The following MGMT variants were observed in gnomAD, a reference collection of about 807,000 sequenced individuals.
MGMT encodes the protein methylated-DNA--protein-cysteine methyltransferase.
In MGMT, 14 loss-of-function variants were observed where a neutral mutation model predicts 15.9. The observed-to-expected ratio is 0.88, with a 90% CI of 0.58 to 1.37. MGMT has a LOEUF of 1.37. Among genes scored for constraint, MGMT ranks in the 40% most tolerant of loss-of-function variants. The pLI is 0.00. For synonymous variants in MGMT, 130 were observed against 118.2 expected, an observed-to-expected ratio of 1.10 and a Z score of -0.65; for missense variants, 282 against 268.1, an observed-to-expected ratio of 1.05 and a Z score of -0.36.
chr10:129,560,017 A>C (rs1224103395), intron 2 of MGMT, among the ~76,000 whole-genome samples: 1 of 152,204 alleles, frequency 6.6e-6, no homozygotes, highest in Non-Finnish European at 1.5e-5. Context: ...AACTCCACTA[A>C]TAAGAAACGG....
intron 1 of MGMT, among the ~76,000 whole-genome samples, chr10:129,512,905 A>AC (rs34676108): frequency 0.22 from 32,953 of 151,802 alleles, 4,184 homozygotes; most frequent in Non-Finnish European, 0.28. Flanking sequence ...CTAAGGACAT[A>AC]CCCCCCAAAA....
rs1342654051 is a variant in MGMT, at chr10:129,589,802, G to A, written c.125+53425G>A. ...TTAAAGGGCTGCTTCCACCTCCAGG[G>A]CGGGCAGTGAAGCCTCCAGCTGGGA... On this transcript the variant is annotated intron_variant, in intron 2 of 4. Transcript: ENST00000651593. Among the ~76,000 whole-genome samples, 4 of 152,348 alleles carry A rather than the reference G, an allele frequency of 2.6e-5. No individual in the cohort carries two copies. In the East Asian group the frequency reaches 7.7e-4, roughly 29 times the overall value.
intron 2 of MGMT, chr10:129,693,918 A>C (rs925736510): frequency 1.3e-5 from 2 of 152,204 alleles, no homozygotes; most frequent in African/African-American, 4.8e-5. Context: ...AAAAAAAAAA[A>C]AAGTGAGACT....
At chr10:129,577,948 G>T (rs56896247) in intron 2 of MGMT, among the ~76,000 whole-genome samples, 1 of 152,136 alleles carries the variant, frequency 6.6e-6, no homozygotes, top group African/African-American at 2.4e-5. Flanking sequence ...ACCATCACTG[G>T]CCATCAGAGA....
intron 2 of MGMT, among the ~76,000 whole-genome samples, chr10:129,647,796 C>T (rs777635053): frequency 6.6e-6 from 1 of 152,266 alleles, no homozygotes; most frequent in Non-Finnish European, 1.5e-5. Context: ...TTTGACAGAA[C>T]GGTTCATTTC....
chr10:129,767,226 A>T lies in MGMT; in HGVS notation c.*229A>T. The T allele has an allele frequency of 2.3e-6, 1 of 441,412 alleles. No individual in the cohort carries two copies. The highest frequency in any genetic ancestry group is 4.1e-6 in the Non-Finnish European group (1 of 246,822). 27.3% of individuals were successfully genotyped at this position (441,412 alleles called of 1,614,324 possible). On this transcript the variant is annotated 3_prime_UTR_variant, in exon 5 of 5. Transcript: ENST00000651593. The stretch of plus-strand genomic sequence containing the variant: ...CTTGCTCTATTTTTCATGTCCATTA[A>T]AACAGGCCAAGTGAGTGTGGAAGGC...
chr10:129,692,323 C>T (rs1050492942), intron 2 of MGMT, among the ~76,000 whole-genome samples: 14 of 152,120 alleles, frequency 9.2e-5, no homozygotes, highest in African/African-American at 3.4e-4. Flanking sequence ...GGAAGAAAAG[C>T]TCGGGGCAGT....
At chr10:129,642,673 C>A (rs1466843929) in intron 2 of MGMT, among the ~76,000 whole-genome samples, 1 of 152,172 alleles carries the variant, frequency 6.6e-6, no homozygotes, top group Non-Finnish European at 1.5e-5. Context: ...CTATTAGCAT[C>A]TCTTAGTCAC....
chr10:129,535,965 G>A (rs1845979312), intron 1 of MGMT, among the ~76,000 whole-genome samples: 1 of 152,216 alleles, frequency 6.6e-6, no homozygotes, highest in Non-Finnish European at 1.5e-5. Flanking sequence ...TTCCTTCGGT[G>A]TTGCGTTGGT....
rs1847572790 is a variant in MGMT, at chr10:129,659,579, A to G, written c.126-48316A>G. Reference sequence around the variant, plus strand: ...TAGTTCCGAGGCTACTGGCATTATTATTTAATGATGAGTTAGTGCAAATTG... The same window carrying G: ...TAGTTCCGAGGCTACTGGCATTATTGTTTAATGATGAGTTAGTGCAAATTG... On this transcript the variant is annotated intron_variant, in intron 2 of 4. Transcript: ENST00000651593. This position sits in a 1 kb window ranked among gnomAD's most constrained non-coding sequence, Gnocchi z 4.1. 6.6e-6 allele frequency among the ~76,000 whole-genome samples: 1 copy of G among 152,156 alleles called. No individual in the cohort carries two copies. Among genetic ancestry groups the G allele is most frequent in the Non-Finnish European group, 1.5e-5 (1 of 68,028 alleles).
intron 1 of MGMT, among the ~76,000 whole-genome samples, chr10:129,526,410 C>T (rs1385744670): frequency 6.6e-6 from 1 of 152,028 alleles, no homozygotes; most frequent in Non-Finnish European, 1.5e-5. Context: ...CTCTTCCTCC[C>T]CCAGGTGAGC....
intron 1 of MGMT, among the ~76,000 whole-genome samples, chr10:129,490,188 T>C (rs1271533675): frequency 6.6e-6 from 1 of 152,206 alleles, no homozygotes; most frequent in African/African-American, 2.4e-5. Flanking sequence ...AGAAAACTTC[T>C]TAATCTCCTT....
intron 2 of MGMT, among the ~76,000 whole-genome samples, chr10:129,684,229 G>C (rs1311098743): frequency 6.6e-6 from 1 of 152,214 alleles, no homozygotes; most frequent in East Asian, 1.9e-4. Context: ...TTTTAGTGTT[G>C]TATTTGTGGG....
chr10:129,738,853 A>G (rs1353042489), intron 3 of MGMT, among the ~76,000 whole-genome samples: 6 of 152,208 alleles, frequency 3.9e-5, no homozygotes, highest in African/African-American at 1.4e-4. Flanking sequence ...CACAACAAAA[A>G]AAGAGAATTT....
At chr10:129,731,197 G>A (rs1276061047) in intron 3 of MGMT, among the ~76,000 whole-genome samples, 1 of 132,982 alleles carries the variant, frequency 7.5e-6, no homozygotes, top group Non-Finnish European at 1.6e-5. Context: ...GTGACACAGA[G>A]CCCTGCCAGG....
intron 1 of MGMT, among the ~76,000 whole-genome samples, chr10:129,526,957 G>A (rs1279551452): frequency 6.6e-6 from 1 of 152,168 alleles, no homozygotes; most frequent in Non-Finnish European, 1.5e-5. Context: ...TTTTCCAGAG[G>A]TCTCCAAATA....
chr10:129,737,541 T>C (rs1848578096), intron 3 of MGMT, among the ~76,000 whole-genome samples: 2 of 152,246 alleles, frequency 1.3e-5, no homozygotes, highest in Non-Finnish European at 1.5e-5. Flanking sequence ...TCTGAAGCCT[T>C]CTTCTCTCAA....
intron 2 of MGMT, among the ~76,000 whole-genome samples, chr10:129,648,986 G>A (rs1008260189): frequency 2.6e-5 from 4 of 152,190 alleles, no homozygotes; most frequent in African/African-American, 4.8e-5. Context: ...TGGCACCACC[G>A]TGTTCATGCT....
At chr10:129,477,787 A>G (rs1123226) in intron 1 of MGMT, among the ~76,000 whole-genome samples, 5,680 of 152,250 alleles carry the variant, frequency 0.037, 287 homozygotes, top group African/African-American at 0.11. Context: ...AGGCAAACCA[A>G]TATATAGGTG....
Sources: allele counts gnomAD v4.1 joint callset (sites outside exome capture counted in the v4.1 genomes callset), GRCh38; gene constraint gnomAD v4.1.1; non-coding constraint Gnocchi (gnomAD v3.1); transcripts MANE v1.5; gene names NCBI Gene and HGNC (gene_info 2026-07-23, HGNC 2026-07-21).